SHANK2: variants seen among roughly 807,000 people sequenced by gnomAD.
SHANK2 encodes SH3 and multiple ankyrin repeat domains 2, also known as SH3 and multiple ankyrin repeat domains protein 2.
SHANK2 carries 43 observed loss-of-function variants against 133.7 expected under a neutral mutation model. That is an observed-to-expected ratio of 0.32 (90% CI 0.25 to 0.41). The LOEUF (loss-of-function observed/expected upper bound fraction) is 0.41, where lower values mean the gene tolerates loss of function less well. Among genes scored for constraint, SHANK2 ranks in the 10% least tolerant of loss-of-function variants. The pLI is 1.00. For synonymous variants in SHANK2, 1,017 were observed against 952.8 expected, an observed-to-expected ratio of 1.07 and a Z score of -1.24; for missense variants, 1,994 against 2,235.8, an observed-to-expected ratio of 0.89 and a Z score of 2.18.
rs535401341 is a variant in SHANK2, at chr11:70,476,508, A to AG, written c.4980-3070dup. Among the ~76,000 whole-genome samples the AG allele has an allele frequency of 3.3e-4, 50 of 152,306 alleles. No individual in the cohort carries two copies. The South Asian group carries it at 5.0e-3, about 15-fold the overall frequency. ...GTTTATTCCAGAGTCACAAGAGCAC[A>AG]GTTTTGGGGAAGGCTTATTTGTCCA... On this transcript the variant is annotated intron_variant, in intron 25 of 25. Coordinates refer to ENST00000601538, the MANE Select transcript of SHANK2 (RefSeq NM_012309.5).
intron 17 of SHANK2, among the ~76,000 whole-genome samples, chr11:70,548,042 C>T (rs1348461056): frequency 1.3e-5 from 2 of 152,244 alleles, no homozygotes; most frequent in African/African-American, 4.8e-5. Flanking sequence ...CTGGTGCAGC[C>T]TTCTGGGCAA....
chr11:71,134,542 C>T (rs1435247131), intron 3 of SHANK2, among the ~76,000 whole-genome samples: 1 of 150,894 alleles, frequency 6.6e-6, no homozygotes, highest in East Asian at 2.0e-4. Context: ...CAGGTTCAAG[C>T]AATTCTCCTG....
At chr11:70,568,929 G>C (rs1833072947) in intron 17 of SHANK2, among the ~76,000 whole-genome samples, 1 of 152,264 alleles carries the variant, frequency 6.6e-6, no homozygotes, top group African/African-American at 2.4e-5. Flanking sequence ...CCTGTGTCCA[G>C]CAAGAGTGCA....
chr11:70,848,930 C>T (rs557450607), intron 11 of SHANK2, among the ~76,000 whole-genome samples: 66 of 152,288 alleles, frequency 4.3e-4, no homozygotes, highest in African/African-American at 1.5e-3. Context: ...GAGCACCATA[C>T]AGACAGCTGG....
At chr11:71,104,653 C>T (rs192194779) in intron 6 of SHANK2, among the ~76,000 whole-genome samples, 1 of 152,290 alleles carries the variant, frequency 6.6e-6, no homozygotes, top group East Asian at 1.9e-4. Context: ...GAGCACCCAC[C>T]CTGGTTCACT....
At chr11:71,131,449 CAG>C (rs1316319173) in intron 3 of SHANK2, among the ~76,000 whole-genome samples, 1 of 152,150 alleles carries the variant, frequency 6.6e-6, no homozygotes, top group Non-Finnish European at 1.5e-5. Flanking sequence ...TTTTTCCAAT[CAG>C]AACATTTTTC....
At chr11:70,769,799 G>A (rs1172150922) in intron 14 of SHANK2, among the ~76,000 whole-genome samples, 3 of 150,456 alleles carry the variant, frequency 2.0e-5, no homozygotes, top group African/African-American at 7.4e-5. Context: ...GTGCAGGCAT[G>A]CACGTATGTG....
chr11:70,739,962 T>G lies in SHANK2; in HGVS notation c.1778-41199A>C, dbSNP rs1470837399. Among the ~76,000 whole-genome samples, 3 of 152,210 alleles carry G rather than the reference T, an allele frequency of 2.0e-5. No homozygotes were observed. The highest frequency in any genetic ancestry group is 7.2e-5 in the African/African-American group (3 of 41,456). ...GTAGGGCACAGAAGTCCAGCTTGGC[T>G]CCTTCGCCATCAGGAGACCTTGGAC... is the stretch of plus-strand genomic sequence containing the variant. On this transcript the variant is annotated intron_variant, in intron 14 of 25. Transcript: ENST00000601538. The surrounding 1 kb of genome is among the most constrained non-coding windows in gnomAD (Gnocchi z 4.3).
intron 11 of SHANK2, among the ~76,000 whole-genome samples, chr11:70,889,448 C>T (rs552994538): frequency 5.9e-5 from 9 of 152,280 alleles, no homozygotes; most frequent in Non-Finnish European, 1.3e-4. Flanking sequence ...GTTGTGGCAG[C>T]CCCGGGAACC....
At chr11:71,221,116 G>A (rs540255712) in intron 2 of SHANK2, among the ~76,000 whole-genome samples, 3 of 151,500 alleles carry the variant, frequency 2.0e-5, no homozygotes, top group South Asian at 4.2e-4. Context: ...CAGGAGAATC[G>A]CTTGAGCCCG....
At chr11:71,101,398 T>G (rs1459477359) in intron 6 of SHANK2, among the ~76,000 whole-genome samples, 1 of 152,192 alleles carries the variant, frequency 6.6e-6, no homozygotes, top group Non-Finnish European at 1.5e-5. Flanking sequence ...AATGAGACAC[T>G]GTATTTGAAA....
At chr11:70,805,241 C>T (rs920402076) in intron 13 of SHANK2, among the ~76,000 whole-genome samples, 17 of 152,166 alleles carry the variant, frequency 1.1e-4, no homozygotes, top group African/African-American at 4.1e-4. Context: ...CACCCTCCGA[C>T]CCCTGAGCCC....
chr11:71,086,313 A>T (rs1951414735), intron 8 of SHANK2, among the ~76,000 whole-genome samples: 3 of 96,368 alleles, frequency 3.1e-5, no homozygotes, highest in East Asian at 2.9e-4. Context: ...TATAAGATAT[A>T]GTATATGTTA....
chr11:70,900,999 A>T (rs1426340453), intron 10 of SHANK2, among the ~76,000 whole-genome samples: 1 of 152,176 alleles, frequency 6.6e-6, no homozygotes, highest in Non-Finnish European at 1.5e-5. Flanking sequence ...TACTCACAGC[A>T]GAGACACAGC....
chr11:70,876,086 G>A (rs1555071191), intron 11 of SHANK2, among the ~76,000 whole-genome samples: 1 of 151,298 alleles, frequency 6.6e-6, no homozygotes, highest in Non-Finnish European at 1.5e-5. Context: ...AACCCGGGAG[G>A]TGGAGGTTGC....
chr11:71,082,746 G>C (rs1414601643), intron 8 of SHANK2, among the ~76,000 whole-genome samples: 1 of 152,198 alleles, frequency 6.6e-6, no homozygotes, highest in Non-Finnish European at 1.5e-5. Flanking sequence ...AGGAGGAGAG[G>C]AGAAGTCACT....
At chr11:71,208,166 G>C (rs944505377) in intron 2 of SHANK2, among the ~76,000 whole-genome samples, 4 of 152,118 alleles carry the variant, frequency 2.6e-5, no homozygotes, top group African/African-American at 9.7e-5. Context: ...GGTGTTCCCA[G>C]GGGCCCCACT....
intron 17 of SHANK2, among the ~76,000 whole-genome samples, chr11:70,624,343 T>A (rs1206621727): frequency 6.6e-6 from 1 of 151,924 alleles, no homozygotes; most frequent in Non-Finnish European, 1.5e-5. Context: ...GGTTCCCTGG[T>A]GCTCCCAAGG....
At chr11:70,690,488 GTTTTTTTTT>G (rs35737323) in intron 15 of SHANK2, among the ~76,000 whole-genome samples, 208 of 32,790 alleles carry the variant, frequency 6.3e-3, no homozygotes, top group African/African-American at 0.022. Context: ...TACTTCCCAT[GTTTTTTTTT>G]TTTTTTTTTT....
Sources: gnomAD v4.1 joint callset for allele counts (sites outside exome capture counted in the v4.1 genomes callset) on GRCh38, gnomAD v4.1.1 for gene constraint, Gnocchi (gnomAD v3.1) non-coding constraint, MANE v1.5 for transcripts, NCBI Gene and HGNC (gene_info 2026-07-23, HGNC 2026-07-21) for gene names.